The following PVT1 variants were observed in gnomAD, a reference collection of about 807,000 sequenced individuals.
PVT1 encodes CXCR4/PVT1 fusion.
At chr8:128,043,450 A>G (rs1238007810) in intron 4 of PVT1, among the ~76,000 whole-genome samples, 1 of 152,142 alleles carries the variant, frequency 6.6e-6, no homozygotes, top group African/African-American at 2.4e-5. Flanking sequence ...AGAGAACAAA[A>G]TCAGACTGGA....
chr8:127,910,275 C>T (rs910123759), intron 3 of PVT1, among the ~76,000 whole-genome samples: 10 of 152,094 alleles, frequency 6.6e-5, no homozygotes, highest in Admixed American at 5.9e-4. Context: ...GGTACAGGGT[C>T]GTGGAAACAT....
intron 4 of PVT1, among the ~76,000 whole-genome samples, chr8:128,016,696 T>A (rs1284068134): frequency 3.9e-5 from 6 of 152,218 alleles, no homozygotes; most frequent in Non-Finnish European, 1.5e-5. Flanking sequence ...GAGACGAAGA[T>A]GAGTCATGCC....
At chr8:127,906,485 G>T (rs1354715490) in intron 3 of PVT1, among the ~76,000 whole-genome samples, 3 of 152,172 alleles carry the variant, frequency 2.0e-5, no homozygotes, top group Admixed American at 6.5e-5. Flanking sequence ...AATGGTAAAA[G>T]GAGAAACTGG....
chr8:128,051,217 A>G (rs899632560), intron 4 of PVT1, among the ~76,000 whole-genome samples: 1 of 152,204 alleles, frequency 6.6e-6, no homozygotes, highest in Non-Finnish European at 1.5e-5. Context: ...CACATAGCCT[A>G]TCATCCAGTG....
chr8:127,834,889 C>T (rs1353357286), intron 2 of PVT1, among the ~76,000 whole-genome samples: 1 of 152,142 alleles, frequency 6.6e-6, no homozygotes, highest in Non-Finnish European at 1.5e-5. Flanking sequence ...ATCAAAACCA[C>T]AATGAGATAC....
intron 3 of PVT1, among the ~76,000 whole-genome samples, chr8:127,935,565 T>C (rs1816262880): frequency 6.6e-6 from 1 of 152,068 alleles, no homozygotes; most frequent in Non-Finnish European, 1.5e-5. Flanking sequence ...ACACAACTGA[T>C]AGATGACAGA....
chr8:127,898,246 G>A lies in PVT1; in HGVS notation n.782+7248G>A, dbSNP rs1402754192. On this transcript the variant is annotated intron_variant and non_coding_transcript_variant, in intron 3 of 10. Transcript: ENST00000651587. The surrounding 1 kb of genome is among the most constrained non-coding windows in gnomAD (Gnocchi z 4.4). ...AAAAGAAAGAAAGAAAGAAAGAAAC[G>A]AAGGAAGGAAGAAAGAAAGAGTGTA... Among the ~76,000 whole-genome samples the A allele has an allele frequency of 2.0e-5, 3 of 151,284 alleles. No individual in the cohort carries two copies. Among genetic ancestry groups the A allele is most frequent in the South Asian group, 4.2e-4 (2 of 4,776 alleles).
intron 3 of PVT1, among the ~76,000 whole-genome samples, chr8:127,926,040 C>T (rs966214854): frequency 3.9e-5 from 6 of 152,128 alleles, no homozygotes; most frequent in Non-Finnish European, 5.9e-5. Flanking sequence ...AGGAGAGAGG[C>T]GTGGAGAAAA....
At chr8:128,038,726 G>T (rs1813493587) in intron 4 of PVT1, among the ~76,000 whole-genome samples, 1 of 152,138 alleles carries the variant, frequency 6.6e-6, no homozygotes, top group Non-Finnish European at 1.5e-5. Context: ...AGTAGGCTGT[G>T]TCTTGCTAAT....
chr8:127,966,064 C>T (rs1042800433), intron 3 of PVT1, among the ~76,000 whole-genome samples: 1 of 152,170 alleles, frequency 6.6e-6, no homozygotes, highest in Admixed American at 6.5e-5. Context: ...GCTTGGTTTG[C>T]ATTAAATTAA....
At chr8:127,810,015 C>G (rs1814574624) in intron 2 of PVT1, among the ~76,000 whole-genome samples, 1 of 152,234 alleles carries the variant, frequency 6.6e-6, no homozygotes, top group South Asian at 2.1e-4. Context: ...TTCCTATGGT[C>G]ATTGCAGTCC....
intron 3 of PVT1, among the ~76,000 whole-genome samples, chr8:127,956,551 C>A (rs569643577): frequency 6.2e-4 from 95 of 152,372 alleles, no homozygotes; most frequent in African/African-American, 2.1e-3. Flanking sequence ...GTGGCGTGAT[C>A]TCGGCTCACT....
intron 4 of PVT1, among the ~76,000 whole-genome samples, chr8:127,996,872 A>G (rs1261595971): frequency 1.3e-5 from 2 of 151,932 alleles, no homozygotes; most frequent in African/African-American, 4.8e-5. Context: ...GCTGCTTGCC[A>G]GCCCTCTGGC....
At chr8:127,901,038 A>G (rs1276046359) in intron 3 of PVT1, among the ~76,000 whole-genome samples, 12 of 152,256 alleles carry the variant, frequency 7.9e-5, no homozygotes, top group Admixed American at 7.9e-4. Context: ...CAGAAGCAGC[A>G]GAAAGAACAA....
intron 3 of PVT1, among the ~76,000 whole-genome samples, chr8:127,943,802 A>G (rs573604437): frequency 1.3e-5 from 2 of 152,310 alleles, no homozygotes; most frequent in South Asian, 4.1e-4. Flanking sequence ...AGATAGGTTG[A>G]TGGACAGTTG....
At chr8:128,044,282 G>GT (rs1296785886) in intron 4 of PVT1, among the ~76,000 whole-genome samples, 1 of 151,502 alleles carries the variant, frequency 6.6e-6, no homozygotes, top group Non-Finnish European at 1.5e-5. Context: ...CCAGCATATA[G>GT]TTACTTGTTT....
chr8:127,964,708 A>G (rs1376545720), intron 3 of PVT1, among the ~76,000 whole-genome samples: 1 of 151,786 alleles, frequency 6.6e-6, no homozygotes, highest in Non-Finnish European at 1.5e-5. Flanking sequence ...AATCATTCCA[A>G]TCTCTGCTCT....
rs937905808 is a variant in PVT1 at position 127,936,034 on chromosome 8, CTTTTTTTTTT to C, written n.782+45051_782+45060del. The stretch of plus-strand genomic sequence containing the variant: ...CAAACAGTGTCTTCTCTCTCTCTCT[CTTTTTTTTTT>C]TTTTTTTTTTTTTTACTTTTTTTTG... On this transcript the variant is annotated intron_variant and non_coding_transcript_variant, in intron 3 of 10. Coordinates refer to ENST00000651587, the Ensembl canonical transcript of PVT1. 4.7e-4 allele frequency among the ~76,000 whole-genome samples: 48 copies of C among 101,250 alleles called. No individual in the cohort carries two copies. The East Asian group carries it at 0.011, about 24-fold the overall frequency. 66.4% of individuals were successfully genotyped at this position (101,250 alleles called of 152,430 possible). A position where few individuals can be genotyped will look rare whatever the true frequency, so the allele number is the denominator to read the frequency against.
intron 4 of PVT1, among the ~76,000 whole-genome samples, chr8:128,026,521 G>A (rs904908105): frequency 2.6e-5 from 4 of 152,020 alleles, no homozygotes; most frequent in Non-Finnish European, 5.9e-5. Context: ...GCCCCACGTC[G>A]AGCAGTGGGT....
Sources: gnomAD v4.1 joint callset for allele counts (sites outside exome capture counted in the v4.1 genomes callset) on GRCh38, gnomAD v4.1.1 for gene constraint, Gnocchi (gnomAD v3.1) non-coding constraint, MANE v1.5 for transcripts, NCBI Gene and HGNC (gene_info 2026-07-23, HGNC 2026-07-21) for gene names.